Variants in PPP2R2B observed in about 807,000 individuals in gnomAD.
The protein encoded by PPP2R2B is protein phosphatase 2 regulatory subunit Bbeta.
A neutral mutation model predicts 46.0 loss-of-function variants in PPP2R2B; 5 were observed. The ratio of observed to expected loss-of-function variants is 0.11; its 90% CI spans 0.06 to 0.23. The LOEUF (loss-of-function observed/expected upper bound fraction) is 0.23, where lower values mean the gene tolerates loss of function less well. Among genes scored for constraint, PPP2R2B ranks in the 10% least tolerant of loss-of-function variants. PPP2R2B has a pLI of 1.00. For synonymous variants in PPP2R2B, 215 were observed against 206.7 expected (o/e 1.04, Z -0.34); for missense variants, 367 against 575.0 (o/e 0.64, Z 3.70).
At chr5:146,595,187 G>A (rs1050039835) in intron 8 of PPP2R2B, among the ~76,000 whole-genome samples, 11 of 152,198 alleles carry the variant, frequency 7.2e-5, no homozygotes, top group African/African-American at 2.4e-4. Context: ...CCCTACAGCA[G>A]TGCTCTTGGC....
chr5:146,898,102 T>C lies in PPP2R2B; in HGVS notation c.79+157563A>G, dbSNP rs1475584218. 2.0e-5 allele frequency among the ~76,000 whole-genome samples: 3 copies of C among 152,176 alleles called. No individual in the cohort carries two copies. In the East Asian group the frequency reaches 5.8e-4, roughly 29 times the overall value. On this transcript the variant is annotated intron_variant, in intron 1 of 8. Transcript: ENST00000336640. ...CAGGAGGCTGAGGCAGGAGAGTCTC[T>C]TGAACCAGGGAAGCGGAGGTTGCAG...
intron 1 of PPP2R2B, among the ~76,000 whole-genome samples, chr5:146,953,794 C>T (rs923878947): frequency 2.0e-5 from 3 of 152,226 alleles, no homozygotes; most frequent in East Asian, 1.9e-4. Context: ...CGGTGACTAT[C>T]GGCTACTGAG....
At chr5:146,642,171 G>A (rs1356271666) in intron 6 of PPP2R2B, among the ~76,000 whole-genome samples, 1 of 152,230 alleles carries the variant, frequency 6.6e-6, no homozygotes, top group Non-Finnish European at 1.5e-5. Flanking sequence ...TGAGCTCCAT[G>A]CTTGGAAGGC....
At chr5:146,747,687 G>A (rs1753275553) in intron 2 of PPP2R2B, among the ~76,000 whole-genome samples, 1 of 152,126 alleles carries the variant, frequency 6.6e-6, no homozygotes, top group South Asian at 2.1e-4. Flanking sequence ...TTGGGAAGTG[G>A]TACAGACTAT....
chr5:146,901,536 T>G (rs1762836267), intron 1 of PPP2R2B, among the ~76,000 whole-genome samples: 1 of 151,928 alleles, frequency 6.6e-6, no homozygotes, highest in Non-Finnish European at 1.5e-5. Context: ...CAAACTCCCC[T>G]ACATTTCCAA....
At chr5:146,740,704 C>T (rs1185438639) in intron 2 of PPP2R2B, among the ~76,000 whole-genome samples, 3 of 151,908 alleles carry the variant, frequency 2.0e-5, no homozygotes, top group Admixed American at 6.6e-5. Flanking sequence ...TTTTTACTCA[C>T]ACTGTCTGAT....
At chr5:146,785,030 G>A (rs1403010039) in intron 2 of PPP2R2B, among the ~76,000 whole-genome samples, 1 of 152,156 alleles carries the variant, frequency 6.6e-6, no homozygotes, top group African/African-American at 2.4e-5. Context: ...TACAATCGTA[G>A]CACTCCATTT....
At position 146,815,187 on chromosome 5, in the gene PPP2R2B, AG is replaced by A. The variant is rs1423873007; in HGVS notation, c.70+62814del. 4.6e-5 allele frequency among the ~76,000 whole-genome samples: 7 copies of A among 152,320 alleles called. No homozygotes were observed. The East Asian group carries it at 9.7e-4, about 21-fold the overall frequency. On this transcript the variant is annotated intron_variant, in intron 2 of 9. Coordinates refer to ENST00000394411, the MANE Select transcript of PPP2R2B (RefSeq NM_181675.4). Reference sequence around the variant, plus strand: ...TGGGGGAAATCCAATGCTTCCAGCAAGGTCCATTCTCTTCCTTGTGAACTGG... The same window carrying A: ...TGGGGGAAATCCAATGCTTCCAGCAAGTCCATTCTCTTCCTTGTGAACTGG...
intron 6 of PPP2R2B, among the ~76,000 whole-genome samples, chr5:146,648,627 A>C (rs958393475): frequency 2.0e-5 from 3 of 152,166 alleles, no homozygotes; most frequent in Middle Eastern, 3.2e-3. Context: ...AAAAATACAT[A>C]AGTAAAAAAA....
At chr5:147,001,795 G>A (rs1754190253) in intron 1 of PPP2R2B, among the ~76,000 whole-genome samples, 1 of 152,162 alleles carries the variant, frequency 6.6e-6, no homozygotes, top group South Asian at 2.1e-4. Context: ...AAAGACGCGG[G>A]TGCCAGGCTT....
At chr5:147,030,890 T>C (rs1755746110) in intron 1 of PPP2R2B, among the ~76,000 whole-genome samples, 1 of 152,194 alleles carries the variant, frequency 6.6e-6, no homozygotes, top group African/African-American at 2.4e-5. Flanking sequence ...ACTTCTGTAT[T>C]TTAAATGCAT....
At chr5:147,064,724 A>G (rs1172755417) in intron 2 of PPP2R2B, among the ~76,000 whole-genome samples, 2 of 152,230 alleles carry the variant, frequency 1.3e-5, no homozygotes, top group African/African-American at 4.8e-5. Context: ...AAACTTAACT[A>G]TATAAGGTTG....
At chr5:146,835,766 G>A (rs1296643050) in intron 2 of PPP2R2B, among the ~76,000 whole-genome samples, 1 of 152,122 alleles carries the variant, frequency 6.6e-6, no homozygotes, top group Non-Finnish European at 1.5e-5. Context: ...CGGTAAAGGA[G>A]TCATCATTTG....
At chr5:146,858,120 T>C (rs1023006356) in intron 2 of PPP2R2B, among the ~76,000 whole-genome samples, 1 of 152,186 alleles carries the variant, frequency 6.6e-6, no homozygotes, top group Non-Finnish European at 1.5e-5. Flanking sequence ...AGGTTAAGCA[T>C]TGTTATCTTT....
chr5:146,706,537 TG>T, intron 2 of PPP2R2B: 1 of 1,138,268 alleles, frequency 8.8e-7, no homozygotes, highest in Non-Finnish European at 1.3e-6. Context: ...ATGTCCTACT[TG>T]GTCTGCTGAA....
chr5:146,774,764 C>A (rs1755074466), intron 2 of PPP2R2B, among the ~76,000 whole-genome samples: 2 of 149,752 alleles, frequency 1.3e-5, no homozygotes, highest in African/African-American at 4.9e-5. Flanking sequence ...CTGCAGTGAG[C>A]TGAGATCATG....
At chr5:146,635,274 T>G (rs181538750) in intron 7 of PPP2R2B, among the ~76,000 whole-genome samples, 8 of 152,254 alleles carry the variant, frequency 5.3e-5, no homozygotes, top group African/African-American at 1.2e-4. Flanking sequence ...ACTCTAGTTT[T>G]TTTTTTTTTT....
At chr5:146,595,435 C>T (rs1486094813) in intron 8 of PPP2R2B, among the ~76,000 whole-genome samples, 1 of 152,188 alleles carries the variant, frequency 6.6e-6, no homozygotes, top group Non-Finnish European at 1.5e-5. Context: ...TGCAGTGTTT[C>T]TATAAGTGTC....
chr5:146,669,483 A>G (rs1307751711), intron 5 of PPP2R2B, among the ~76,000 whole-genome samples: 1 of 151,814 alleles, frequency 6.6e-6, no homozygotes, highest in Non-Finnish European at 1.5e-5. Flanking sequence ...ATTATTCTTT[A>G]TATCCTATAT....
Sources: allele counts gnomAD v4.1 joint callset (sites outside exome capture counted in the v4.1 genomes callset), GRCh38; gene constraint gnomAD v4.1.1; transcripts MANE v1.5; gene names NCBI Gene and HGNC (gene_info 2026-07-23, HGNC 2026-07-21).